The following CLEC18A variants were observed in gnomAD, a reference collection of about 807,000 sequenced individuals.
CLEC18A encodes mannose receptor-like 1.
Under a neutral mutation model 24.0 loss-of-function variants are expected in CLEC18A, and 5 were observed. That is an observed-to-expected ratio of 0.21 (90% CI 0.11 to 0.44). The LOEUF is 0.44. Ranked by LOEUF, CLEC18A falls within the 20% of genes least tolerant of loss-of-function variation. The pLI, the probability that CLEC18A is intolerant of heterozygous loss-of-function variation, is 0.99. For missense variants in CLEC18A, 83 were observed against 233.4 expected (o/e 0.36, Z 4.20); for synonymous variants, 29 against 100.1 (o/e 0.29, Z 4.24).
chr16:69,955,754 C>G (rs2059025798), intron 3 of CLEC18A, among the ~76,000 whole-genome samples: 1 of 110,260 alleles, frequency 9.1e-6, no homozygotes, highest in Admixed American at 8.3e-5. Context: ...CTGTCCCTCC[C>G]TGGAGGGAAT....
downstream of CLEC18A, chr16:69,964,287 C>G (rs1023577176): frequency 6.7e-6 from 1 of 148,822 alleles, no homozygotes; most frequent in African/African-American, 2.5e-5. Flanking sequence ...GGAGTGTCAT[C>G]GCACCAGGGC....
At chr16:69,950,396 G>A (rs2650535), upstream of CLEC18A, among the ~76,000 whole-genome samples, 54 of 127,294 alleles carry the variant, frequency 4.2e-4, 7 homozygotes, top group South Asian at 4.5e-3. Flanking sequence ...GTTGCAGCCC[G>A]CAGGAAGCCA....
At chr16:69,944,807 G>A in the CLEC18A span, among the ~76,000 whole-genome samples, 3 of 118,734 alleles carry the variant, frequency 2.5e-5, no homozygotes, top group Non-Finnish European at 5.1e-5. Context: ...CTGCACTCCA[G>A]CCTGGGCGAC....
rs543013011 is a variant in CLEC18A, at chr16:69,954,460, G to A, written c.343G>A (p.Ala115Thr). 26 of 1,597,884 alleles carry A rather than the reference G, an allele frequency of 1.6e-5. No homozygotes were observed. The highest frequency in any genetic ancestry group is 1.7e-4 in the Middle Eastern group (1 of 5,718). ...QVGWNMQLLP[A>T]GLVSFVEVVS... ...GGGCTGGAACATGCAGCTGCTACCC[G>A]CGGGCTTGGTGTCCTTTGTCGAAGT... Residue 115 changes from alanine (A) to threonine (T), a missense_variant, in exon 3 of 12, where the codon GCG becomes ACG. Ala to Thr is a moderately conservative substitution (Grantham distance 58). Around this residue, in one of 3 missense-constraint regions of CLEC18A, gnomAD observed 71 missense variants for 107.4 expected, o/e 0.66. Transcript: ENST00000288040.
At chr16:69,964,722 A>G (rs1371364954), downstream of CLEC18A, among the ~76,000 whole-genome samples, 2 of 150,828 alleles carry the variant, frequency 1.3e-5, no homozygotes, top group Non-Finnish European at 3.0e-5. Flanking sequence ...CCAGGATGGT[A>G]TCGATCTCCC....
At position 69,954,477 on chromosome 16, in the gene CLEC18A, T is replaced by G. The variant is rs1182673955; in HGVS notation, c.360T>G (p.Phe120Leu). 2 of 1,610,378 alleles carry G rather than the reference T, an allele frequency of 1.2e-6. No homozygotes were observed. Among genetic ancestry groups the G allele is most frequent in the Non-Finnish European group, 1.7e-6 (2 of 1,177,938 alleles). ...TGCTACCCGCGGGCTTGGTGTCCTTTGTCGAAGTGGTCAGCCTATGGTTTG... is the reference window on the plus strand; with the variant it reads ...TGCTACCCGCGGGCTTGGTGTCCTTGGTCGAAGTGGTCAGCCTATGGTTTG... ...MQLLPAGLVS[F>L]VEVVSLWFAE... The change falls in exon 3 of 12, where the codon TTT (phenylalanine) becomes TTG (leucine). Residue 120 changes from phenylalanine (F) to leucine (L), a missense_variant. By Grantham distance (22) the Phe-to-Leu change is conservative. This residue lies in a region of CLEC18A where 71 missense variants were observed against 107.4 expected (regional missense o/e 0.66). Transcript: ENST00000288040.
chr16:69,951,160 CA>C, upstream of CLEC18A: 1 of 1,377,140 alleles, frequency 7.3e-7, no homozygotes, highest in Non-Finnish European at 9.6e-7. Context: ...CCGGAGCAGG[CA>C]GGCATCCCCC....
At chr16:69,965,029 CG>C (rs1959326812), downstream of CLEC18A, among the ~76,000 whole-genome samples, 1 of 151,726 alleles carries the variant, frequency 6.6e-6, no homozygotes, top group Non-Finnish European at 1.5e-5. Flanking sequence ...CTCGAACTCC[CG>C]TGCTCAAGCG....
downstream of CLEC18A, among the ~76,000 whole-genome samples, chr16:69,966,365 C>T (rs662127): frequency 7.0e-3 from 748 of 106,828 alleles, 4 homozygotes; most frequent in Non-Finnish European, 0.01. Context: ...TGTTCCCAGG[C>T]GGTTGAGGCA....
rs200906931 is a variant in CLEC18A, at chr16:69,954,927, T to G, written c.456+354T>G. ...GTTGGCCAGGTTGGTCTTGAACTCC[T>G]GGCCTCAAGTGATCCACCCACCTCA... is the stretch of plus-strand genomic sequence containing the variant. On this transcript the variant is annotated intron_variant, in intron 3 of 11. Transcript: ENST00000288040. 5.3e-5 allele frequency among the ~76,000 whole-genome samples: 8 copies of G among 152,130 alleles called. No individual in the cohort carries two copies. In the East Asian group the frequency reaches 1.5e-3, roughly 29 times the overall value.
At chr16:69,954,826 T>C (rs2152015985) in intron 3 of CLEC18A, among the ~76,000 whole-genome samples, 1 of 152,088 alleles carries the variant, frequency 6.6e-6, no homozygotes, top group East Asian at 1.9e-4. Flanking sequence ...GCCTCCTGAC[T>C]AGCTGGGACT....
At chr16:69,943,888 A>G in the CLEC18A span, among the ~76,000 whole-genome samples, 1 of 140,174 alleles carries the variant, frequency 7.1e-6, no homozygotes, top group Non-Finnish European at 1.6e-5. Flanking sequence ...CAACTGGGTG[A>G]TATATTTGAA....
chr16:69,955,327 A>G (rs1284683801), intron 3 of CLEC18A, among the ~76,000 whole-genome samples: 3 of 151,202 alleles, frequency 2.0e-5, no homozygotes, highest in Non-Finnish European at 2.9e-5. Flanking sequence ...TCAATCTGAA[A>G]TATAAATAAT....
upstream of CLEC18A, among the ~76,000 whole-genome samples, chr16:69,945,737 C>T (rs1465818119): frequency 1.3e-5 from 2 of 152,254 alleles, no homozygotes; most frequent in Non-Finnish European, 2.9e-5. Flanking sequence ...GGAGAATTAC[C>T]ATCTATCTTA....
the CLEC18A span, among the ~76,000 whole-genome samples, chr16:69,943,521 T>C: frequency 6.6e-6 from 1 of 152,212 alleles, no homozygotes; most frequent in Non-Finnish European, 1.5e-5. Context: ...TCCTCTTAAC[T>C]ACCTCCTTAC....
chr16:69,944,862 C>T, the CLEC18A span, among the ~76,000 whole-genome samples: 1 of 120,096 alleles, frequency 8.3e-6, no homozygotes, highest in Admixed American at 8.3e-5. Flanking sequence ...AGAATAGGGC[C>T]GGGCGCGGTG....
At chr16:69,955,879 T>G (rs1567460565) in intron 3 of CLEC18A, among the ~76,000 whole-genome samples, 1 of 151,954 alleles carries the variant, frequency 6.6e-6, no homozygotes. Flanking sequence ...TCAGATGCAC[T>G]GAAAAACACA....
intron 3 of CLEC18A, among the ~76,000 whole-genome samples, chr16:69,954,911 G>A (rs1332249988): frequency 2.0e-5 from 3 of 152,096 alleles, no homozygotes; most frequent in African/African-American, 4.8e-5. Flanking sequence ...TGTTGGCCAG[G>A]TTGGTCTTGA....
At chr16:69,964,863 G>A (rs1232691057), downstream of CLEC18A, among the ~76,000 whole-genome samples, 5 of 152,120 alleles carry the variant, frequency 3.3e-5, no homozygotes, top group East Asian at 9.6e-4. Flanking sequence ...GTGCAGGGGT[G>A]CAATCGGGCT....
Sources: gnomAD v4.1 joint callset for allele counts (sites outside exome capture counted in the v4.1 genomes callset) on GRCh38, gnomAD v4.1.1 for gene constraint, gnomAD v4.1.1 regional missense constraint, MANE v1.5 for transcripts, NCBI Gene and HGNC (gene_info 2026-07-23, HGNC 2026-07-21) for gene names.